THADA: variants seen among roughly 807,000 people sequenced by gnomAD.
THADA encodes tRNA (32-2'-O)-methyltransferase regulator THADA.
In THADA, 213 loss-of-function variants were observed where a neutral mutation model predicts 219.8. That is an observed-to-expected ratio of 0.97 (90% CI 0.87 to 1.09). THADA has a LOEUF of 1.09. Among genes scored for constraint, THADA ranks in the 50% least tolerant of loss-of-function variants. THADA has a pLI of 0.00. For synonymous variants in THADA, 1,018 were observed against 828.9 expected, an observed-to-expected ratio of 1.23 and a Z score of -3.92; for missense variants, 2,956 against 2,311.3, an observed-to-expected ratio of 1.28 and a Z score of -5.72.
intron 28 of THADA, among the ~76,000 whole-genome samples, chr2:43,406,029 G>T (rs1675488214): frequency 6.6e-6 from 1 of 152,218 alleles, no homozygotes; most frequent in South Asian, 2.1e-4. Context: ...CAGGCTGACA[G>T]GCCACAGGCT....
rs559855326 is a variant in THADA at position 43,384,800 on chromosome 2, T to C, written c.4227+13171A>G. ...AGGCAACATAGTGTGACTCTATCTC[T>C]ACAAAAAATTAAATTAAAATAAATA... On this transcript the variant is annotated intron_variant, in intron 29 of 37. Transcript: ENST00000405975. Among the ~76,000 whole-genome samples the C allele has an allele frequency of 1.9e-3, 287 of 152,198 alleles. 1 individual carries two copies. The highest frequency in any genetic ancestry group is 3.1e-3 in the Non-Finnish European group (213 of 68,008).
chr2:43,458,588 T>C, intron 26 of THADA, among the ~76,000 whole-genome samples: 1 of 152,212 alleles, frequency 6.6e-6, no homozygotes, highest in Non-Finnish European at 1.5e-5. Flanking sequence ...TATTCACTTT[T>C]TTCAACCCCT....
chr2:43,425,446 ATGTGTGTGTGTGTGTGTG>A (rs70963396), intron 28 of THADA, among the ~76,000 whole-genome samples: 7 of 140,410 alleles, frequency 5.0e-5, no homozygotes, highest in Non-Finnish European at 1.1e-4. Context: ...TTAAAATTGT[ATGTGTGTGTGTGTGTGTG>A]TGTGTGTGTG....
At position 43,574,463 on chromosome 2, in the gene THADA, C is replaced by T. The variant is rs1446943756; in HGVS notation, c.1602G>A (p.Leu534=). ...ATTTTTGATCCAAGTTTCCTTCACA[C>T]AATATAAAAAGGAGAGGAGAAACCC... ...ETWVSPLLFI[L]CEGNLDQKSY... Residue 534 remains leucine, a synonymous_variant, in exon 11 of 38, where the codon TTG becomes TTA. Coordinates refer to ENST00000405975, the MANE Select transcript of THADA (RefSeq NM_022065.5). The T allele has an allele frequency of 6.2e-7, 1 of 1,613,408 alleles. No homozygotes were observed. Among genetic ancestry groups the T allele is most frequent in the Non-Finnish European group, 8.5e-7 (1 of 1,179,658 alleles).
intron 15 of THADA, chr2:43,566,252 C>A: frequency 2.1e-6 from 1 of 481,756 alleles, no homozygotes; most frequent in Non-Finnish European, 3.7e-6. Flanking sequence ...CTCATATTGT[C>A]TTTCCGAAAC....
In THADA at chr2:43,556,494, G is replaced by A; in HGVS notation, c.2525C>T (p.Pro842Leu). Reference sequence around the variant, plus strand: ...GTAGGAAGCTGTCACACAGTCGTATGGTTTGGTGCTTGTGCTGAGCTCCAA... The same window carrying A: ...GTAGGAAGCTGTCACACAGTCGTATAGTTTGGTGCTTGTGCTGAGCTCCAA... Reference protein sequence around the residue: ...AALELSTSTKPYDCVTASYLL... With the variant: ...AALELSTSTKLYDCVTASYLL... Residue 842 changes from proline to leucine, a missense_variant, in exon 17 of 38, where the codon CCA becomes CTA. Transcript: ENST00000405975. The A allele has an allele frequency of 6.2e-7, 1 of 1,613,902 alleles. No individual in the cohort carries two copies. The highest frequency in any genetic ancestry group is 8.5e-7 in the Non-Finnish European group (1 of 1,179,856).
intron 26 of THADA, chr2:43,484,129 G>C (rs1686595723): frequency 6.5e-6 from 1 of 153,200 alleles, no homozygotes; most frequent in Admixed American, 6.6e-5. Flanking sequence ...GGTATTGCCT[G>C]AACATGCTCA....
At position 43,570,936 on chromosome 2, in the gene THADA, C is replaced by A. The variant is rs10166307; in HGVS notation, c.2065-426G>T. On this transcript the variant is annotated intron_variant, in intron 13 of 37. Transcript: ENST00000405975. The stretch of plus-strand genomic sequence containing the variant: ...AGACTTTTTCTTTACAAAAAAGAGC[C>A]CAAGGTTGATTTACTACACCAAAAT... 3.5e-3 allele frequency among the ~76,000 whole-genome samples: 527 copies of A among 152,106 alleles called. 3 individuals are homozygous for A. The highest frequency in any genetic ancestry group is 0.012 in the African/African-American group (502 of 41,494).
chr2:43,462,705 G>A (rs954551247), intron 26 of THADA, among the ~76,000 whole-genome samples: 1 of 152,114 alleles, frequency 6.6e-6, no homozygotes, highest in South Asian at 2.1e-4. Context: ...GTGCCCTATG[G>A]TTGCCATTTG....
chr2:43,392,563 G>C (rs76114630), intron 29 of THADA, among the ~76,000 whole-genome samples: 7 of 151,918 alleles, frequency 4.6e-5, no homozygotes, highest in Non-Finnish European at 1.0e-4. Flanking sequence ...TTTTCTTCCC[G>C]TAAAGGTAAT....
chr2:43,563,042 T>C (rs567732511), intron 15 of THADA: 1 of 150,856 alleles, frequency 6.6e-6, no homozygotes, highest in South Asian at 2.1e-4. Flanking sequence ...ATTATTCGTG[T>C]TGTTTTTCTG....
intron 31 of THADA, among the ~76,000 whole-genome samples, chr2:43,311,536 A>C (rs1677513142): frequency 6.6e-6 from 1 of 152,246 alleles, no homozygotes; most frequent in Admixed American, 6.5e-5. Flanking sequence ...GAGAATTGAA[A>C]ACACAGGTCC....
In THADA at chr2:43,399,231, T is replaced by C. The variant is rs146706734; in HGVS notation, c.4059-1092A>G. Among the ~76,000 whole-genome samples, 41 of 152,334 alleles carry C rather than the reference T, an allele frequency of 2.7e-4. No homozygotes were observed. The East Asian group carries it at 6.9e-3, about 26-fold the overall frequency. On this transcript the variant is annotated intron_variant, in intron 28 of 37. Transcript: ENST00000405975. ...GGTAACTCAACTTACAGAAATATCT[T>C]AGATCACAAGAATAGGGAAGGTCAG...
intron 21 of THADA, among the ~76,000 whole-genome samples, chr2:43,533,202 C>T (rs1015018406): frequency 1.3e-5 from 2 of 152,130 alleles, no homozygotes; most frequent in Non-Finnish European, 2.9e-5. Context: ...CCATCTCATG[C>T]CAGTTAGAAT....
intron 29 of THADA, among the ~76,000 whole-genome samples, chr2:43,367,272 C>T (rs1670267524): frequency 6.6e-6 from 1 of 152,080 alleles, no homozygotes; most frequent in African/African-American, 2.4e-5. Context: ...AACAATGTGA[C>T]CACACAACAT....
chr2:43,462,786 C>T (rs578246982), intron 26 of THADA, among the ~76,000 whole-genome samples: 2 of 152,092 alleles, frequency 1.3e-5, no homozygotes, highest in Non-Finnish European at 2.9e-5. Flanking sequence ...ATCAAAATCA[C>T]AAAACAAAAA....
intron 26 of THADA, among the ~76,000 whole-genome samples, chr2:43,461,585 A>G (rs1288984411): frequency 1.3e-5 from 2 of 152,212 alleles, no homozygotes; most frequent in Non-Finnish European, 1.5e-5. Context: ...CTTTGTTCAG[A>G]AAATTTAATT....
intron 29 of THADA, among the ~76,000 whole-genome samples, chr2:43,349,170 G>C (rs1667973512): frequency 6.6e-6 from 1 of 152,216 alleles, no homozygotes; most frequent in South Asian, 2.1e-4. Flanking sequence ...AAGCAGCTGG[G>C]AGGAGCAGGG....
At chr2:43,309,834 A>C (rs1458665344) in intron 31 of THADA, among the ~76,000 whole-genome samples, 9 of 152,228 alleles carry the variant, frequency 5.9e-5, no homozygotes, top group African/African-American at 2.2e-4. Flanking sequence ...TCCACAATAG[A>C]ACCTATTAGA....
Sources: allele counts gnomAD v4.1 joint callset (sites outside exome capture counted in the v4.1 genomes callset), GRCh38; gene constraint gnomAD v4.1.1; transcripts MANE v1.5; gene names NCBI Gene and HGNC (gene_info 2026-07-23, HGNC 2026-07-21).